ZRANB3: variants seen among roughly 807,000 people sequenced by gnomAD.
The protein encoded by ZRANB3 is zinc finger RANBP2-type containing 3, also known as DNA annealing helicase and endonuclease ZRANB3.
In ZRANB3, 125 loss-of-function variants were observed where a neutral mutation model predicts 133.8. The ratio of observed to expected loss-of-function variants is 0.93; its 90% CI spans 0.81 to 1.08. The LOEUF is 1.08. Among genes scored for constraint, ZRANB3 ranks in the 50% least tolerant of loss-of-function variants. The pLI, the probability that ZRANB3 is intolerant of heterozygous loss-of-function variation, is 0.00. For missense variants in ZRANB3, 1,229 were observed against 1,275.5 expected (o/e 0.96, Z 0.56); for synonymous variants, 387 against 432.7 (o/e 0.89, Z 1.31).
At chr2:135,357,452 C>G (rs1685489116) in intron 3 of ZRANB3, among the ~76,000 whole-genome samples, 1 of 152,180 alleles carries the variant, frequency 6.6e-6, no homozygotes, top group Non-Finnish European at 1.5e-5. Context: ...CATGCCACCA[C>G]TCCCGGCTAA....
intron 12 of ZRANB3, among the ~76,000 whole-genome samples, chr2:135,253,292 C>T (rs534585595): frequency 2.6e-5 from 4 of 152,274 alleles, no homozygotes; most frequent in South Asian, 4.1e-4. Context: ...GAGAGGCATG[C>T]CTCCTGGGGG....
At chr2:135,438,143 G>A (rs1457292207) in intron 2 of ZRANB3, among the ~76,000 whole-genome samples, 2 of 152,086 alleles carry the variant, frequency 1.3e-5, no homozygotes, top group Admixed American at 6.5e-5. Flanking sequence ...ATAATTGCTT[G>A]AGCCAATCCC....
intron 11 of ZRANB3, among the ~76,000 whole-genome samples, chr2:135,266,107 G>T (rs555684292): frequency 9.5e-4 from 145 of 152,216 alleles, no homozygotes; most frequent in Non-Finnish European, 1.2e-3. Context: ...TCCTTGGGAG[G>T]GTAAGGCAGA....
At chr2:135,436,566 A>G (rs1456085378) in intron 2 of ZRANB3, among the ~76,000 whole-genome samples, 1 of 152,220 alleles carries the variant, frequency 6.6e-6, no homozygotes, top group African/African-American at 2.4e-5. Flanking sequence ...GGGAGGTGAA[A>G]GATCTCTACA....
chr2:135,368,868 T>G (rs1469441640), intron 3 of ZRANB3, among the ~76,000 whole-genome samples: 1 of 152,008 alleles, frequency 6.6e-6, no homozygotes, highest in East Asian at 1.9e-4. Flanking sequence ...CAAATAAAAA[T>G]GTACTGAAAA....
chr2:135,502,981 T>TA (rs2104820911), intron 2 of ZRANB3, among the ~76,000 whole-genome samples: 1 of 152,292 alleles, frequency 6.6e-6, no homozygotes, highest in African/African-American at 2.4e-5. Flanking sequence ...AAGTTTTTCA[T>TA]AAACAGCACA....
At chr2:135,364,868 G>A (rs1000201161) in intron 3 of ZRANB3, among the ~76,000 whole-genome samples, 2 of 152,114 alleles carry the variant, frequency 1.3e-5, no homozygotes, top group Non-Finnish European at 2.9e-5. Context: ...GGCCAATATG[G>A]TGAAACCCCG....
intron 18 of ZRANB3, 149 bp from the exon 19 acceptor site, chr2:135,207,985 T>C (rs1261394901): frequency 9.3e-6 from 7 of 749,776 alleles, no homozygotes; most frequent in African/African-American, 1.8e-5. Flanking sequence ...GTCAGCACTC[T>C]ATATTCCATG....
intron 8 of ZRANB3, among the ~76,000 whole-genome samples, chr2:135,312,200 T>C (rs1683027734): frequency 6.9e-6 from 1 of 145,480 alleles, no homozygotes; most frequent in Admixed American, 6.8e-5. Flanking sequence ...TTTATTTTAT[T>C]TTATTTTATT....
intron 20 of ZRANB3, 67 bp downstream of exon 20, chr2:135,202,765 A>G: frequency 6.6e-7 from 1 of 1,524,976 alleles, no homozygotes; most frequent in Non-Finnish European, 8.9e-7. Flanking sequence ...ATCTTCCACA[A>G]CTGTGTGCAC....
intron 4 of ZRANB3, among the ~76,000 whole-genome samples, chr2:135,352,332 CAA>C (rs1185558433): frequency 9.2e-6 from 1 of 108,464 alleles, no homozygotes. Context: ...ACTCCGTCTC[CAA>C]AAAAAAAAAA....
chr2:135,433,732 C>A (rs946787724), intron 2 of ZRANB3, among the ~76,000 whole-genome samples: 8 of 152,214 alleles, frequency 5.3e-5, no homozygotes, highest in Non-Finnish European at 1.2e-4. Flanking sequence ...CACAGTGGCT[C>A]ACGCCTGTAA....
intron 3 of ZRANB3, among the ~76,000 whole-genome samples, chr2:135,390,256 T>C (rs1687165134): frequency 1.3e-5 from 2 of 152,148 alleles, no homozygotes; most frequent in Admixed American, 1.3e-4. Context: ...TAGAACTTTA[T>C]TGACTTACAT....
intron 2 of ZRANB3, among the ~76,000 whole-genome samples, chr2:135,427,640 G>C (rs749488768): frequency 6.6e-6 from 1 of 152,162 alleles, no homozygotes; most frequent in Non-Finnish European, 1.5e-5. Context: ...GCAATTTACA[G>C]ATTCAATACT....
intron 6 of ZRANB3, among the ~76,000 whole-genome samples, chr2:135,342,228 T>G (rs1199355346): frequency 6.7e-6 from 1 of 149,592 alleles, no homozygotes; most frequent in Non-Finnish European, 1.5e-5. Context: ...TTAGGGAAAA[T>G]AGAAAAGAAC....
intron 2 of ZRANB3, among the ~76,000 whole-genome samples, chr2:135,483,616 G>A (rs965147931): frequency 8.6e-5 from 13 of 151,896 alleles, no homozygotes. Context: ...ATTTCCTTCA[G>A]TTCTGCTCTG....
chr2:135,428,827 A>C lies in ZRANB3; in HGVS notation c.162-38007T>G, dbSNP rs112252772. 1.0e-3 allele frequency among the ~76,000 whole-genome samples: 155 copies of C among 152,360 alleles called. 1 individual carries two copies. Among genetic ancestry groups the C allele is most frequent in the African/African-American group, 3.6e-3 (150 of 41,582 alleles). ...ATTAAAGAAATGAATATCCAAACCA[A>C]GATGACATACTGTCTCACGCCATCC... On this transcript the variant is annotated intron_variant, in intron 2 of 20. Coordinates refer to ENST00000264159, the MANE Select transcript of ZRANB3 (RefSeq NM_032143.4).
chr2:135,258,247 G>A (rs983937035), intron 12 of ZRANB3, among the ~76,000 whole-genome samples: 3 of 152,164 alleles, frequency 2.0e-5, no homozygotes, highest in African/African-American at 7.2e-5. Context: ...AGTCATAAAA[G>A]TAAATAAGAC....
chr2:135,491,162 C>T (rs578018197), intron 2 of ZRANB3, among the ~76,000 whole-genome samples: 22 of 151,980 alleles, frequency 1.4e-4, no homozygotes, highest in South Asian at 6.2e-4. Flanking sequence ...CAAAAGGGAC[C>T]GAGGGAAGCA....
Sources: allele counts gnomAD v4.1 joint callset (sites outside exome capture counted in the v4.1 genomes callset), GRCh38; gene constraint gnomAD v4.1.1; transcripts MANE v1.5; gene names NCBI Gene and HGNC (gene_info 2026-07-23, HGNC 2026-07-21).